LAIR2: variants seen among roughly 807,000 people sequenced by gnomAD.
LAIR2 encodes the protein leukocyte associated immunoglobulin like receptor 2, also known as leukocyte-associated immunoglobulin-like receptor 2.
In LAIR2, 14 loss-of-function variants were observed where a neutral mutation model predicts 14.8. The observed-to-expected ratio is 0.95, with a 90% CI of 0.62 to 1.48. The LOEUF (loss-of-function observed/expected upper bound fraction) is 1.48, where lower values mean the gene tolerates loss of function less well. Ranked by LOEUF, LAIR2 falls within the 40% of genes most tolerant of loss-of-function variation. LAIR2 has a pLI of 0.00. For missense variants in LAIR2, 172 were observed against 180.9 expected (o/e 0.95, Z 0.28); for synonymous variants, 75 against 74.5 (o/e 1.01, Z -0.03).
Position 54,502,896 on chromosome 19 carries a change from T to A in LAIR2, c.-23T>A. ...GCACATCCTGTCTGCTTGTGTCTGC[T>A]GCAGAGTTCTGGGACCGGGGCCATG... On this transcript the variant is annotated 5_prime_UTR_variant, in exon 1 of 5. Transcript: ENST00000301202. 6.2e-7 allele frequency: 1 copy of A among 1,614,114 alleles called. No individual in the cohort carries two copies.
intron 2 of LAIR2, among the ~76,000 whole-genome samples, chr19:54,504,038 A>G (rs1435076839): frequency 6.6e-6 from 1 of 151,824 alleles, no homozygotes; most frequent in Non-Finnish European, 1.5e-5. Flanking sequence ...GCTCACTGCA[A>G]CCTCTGCTCC....
intron 4 of LAIR2, among the ~76,000 whole-genome samples, chr19:54,509,701 G>A (rs913469281): frequency 8.0e-5 from 12 of 150,418 alleles, no homozygotes. Flanking sequence ...ACGGTGACCA[G>A]GATGAAGCCA....
chr19:54,507,295 G>A (rs1355038371), intron 2 of LAIR2, among the ~76,000 whole-genome samples: 1 of 150,476 alleles, frequency 6.6e-6, no homozygotes, highest in Admixed American at 6.6e-5. Flanking sequence ...CCCAGAGGTG[G>A]TGTCTCCACA....
intron 2 of LAIR2, among the ~76,000 whole-genome samples, chr19:54,504,744 G>C (rs1210881438): frequency 7.2e-5 from 11 of 152,022 alleles, no homozygotes; most frequent in Admixed American, 6.6e-4. Flanking sequence ...CGAGTAGCTG[G>C]GATTACAGGT....
At chr19:54,507,821 C>A (rs931446665) in intron 2 of LAIR2, 70 bp from the exon 3 acceptor site, 1 of 1,441,120 alleles carries the variant, frequency 6.9e-7, no homozygotes, top group Non-Finnish European at 9.5e-7. Context: ...AATTGTGATC[C>A]TAAAATGACG....
chr19:54,507,226 C>A (rs1301122160), intron 2 of LAIR2, among the ~76,000 whole-genome samples: 2 of 149,746 alleles, frequency 1.3e-5, no homozygotes, highest in East Asian at 3.9e-4. Flanking sequence ...TTTTCAAGAG[C>A]CTTAATAACA....
intron 3 of LAIR2, 62 bp downstream of exon 3, chr19:54,508,246 C>T: frequency 6.6e-7 from 1 of 1,521,062 alleles, no homozygotes; most frequent in Non-Finnish European, 8.9e-7. Context: ...GTCCCGAGGT[C>T]CCTGGTCCCT....
At chr19:54,506,159 T>G (rs1405640220) in intron 2 of LAIR2, among the ~76,000 whole-genome samples, 1 of 152,144 alleles carries the variant, frequency 6.6e-6, no homozygotes, top group Non-Finnish European at 1.5e-5. Context: ...AGTTTAAAAT[T>G]GACCGATGAA....
At chr19:54,506,722 G>C (rs2085370555) in intron 2 of LAIR2, among the ~76,000 whole-genome samples, 1 of 152,178 alleles carries the variant, frequency 6.6e-6, no homozygotes, top group Admixed American at 6.5e-5. Context: ...CTCATGAAAA[G>C]CGTCTTTAAA....
intron 3 of LAIR2, among the ~76,000 whole-genome samples, 166 bp downstream of exon 3, chr19:54,508,350 C>T (rs1451646689): frequency 2.0e-5 from 3 of 152,184 alleles, no homozygotes; most frequent in African/African-American, 7.2e-5. Flanking sequence ...CACCTCCCCT[C>T]TGCCCTCACA....
At position 54,510,675 on chromosome 19, in the gene LAIR2, A is replaced by G. The variant is rs1600101391; in HGVS notation, c.*106A>G. On this transcript the variant is annotated 3_prime_UTR_variant, in exon 5 of 5. Transcript: ENST00000301202. ...TATACATACATATACAAATAAAAAG[A>G]TACGATTCGCAATGGAGAATTTCAG... The G allele has an allele frequency of 7.4e-7, 1 of 1,347,016 alleles. No individual in the cohort carries two copies. Among genetic ancestry groups the G allele is most frequent in the Non-Finnish European group, 1.1e-6 (1 of 943,936 alleles). The allele number at this position is 1,347,016 out of a possible 1,614,324, so 83.4% of individuals were successfully genotyped here.
At position 54,502,845 on chromosome 19, in the gene LAIR2, C is replaced by T; in HGVS notation, c.-74C>T. The T allele has an allele frequency of 6.3e-7, 1 of 1,588,686 alleles. No individual in the cohort carries two copies. Among genetic ancestry groups the T allele is most frequent in the Non-Finnish European group, 8.6e-7 (1 of 1,156,916 alleles). On this transcript the variant is annotated 5_prime_UTR_variant, in exon 1 of 5. Coordinates refer to ENST00000301202, the MANE Select transcript of LAIR2 (RefSeq NM_002288.6). ...TTGTGTGAGGCAGTTGCTGTGGAAG[C>T]CCCACGGGCAGGAGGCCCCCGGCCA...
intron 1 of LAIR2, among the ~76,000 whole-genome samples, chr19:54,503,256 T>A (rs2085307065): frequency 6.6e-6 from 1 of 150,576 alleles, no homozygotes; most frequent in Admixed American, 6.6e-5. Context: ...AGGTCAGGAG[T>A]TTGAGACCAG....
At chr19:54,509,487 A>C (rs2085430672) in intron 4 of LAIR2, among the ~76,000 whole-genome samples, 1 of 96,148 alleles carries the variant, frequency 1.0e-5, no homozygotes, top group African/African-American at 4.3e-5. Context: ...CCCGAGCTCC[A>C]CGCTGCCCCC....
chr19:54,506,204 G>T (rs796121446), intron 2 of LAIR2, among the ~76,000 whole-genome samples: 1 of 152,120 alleles, frequency 6.6e-6, no homozygotes, highest in Non-Finnish European at 1.5e-5. Context: ...ATATGACGTT[G>T]TGGACTCTGC....
chr19:54,503,188 G>C (rs894531659), intron 1 of LAIR2, among the ~76,000 whole-genome samples: 2 of 152,096 alleles, frequency 1.3e-5, no homozygotes, highest in Admixed American at 6.5e-5. Context: ...GGGGCCAGGC[G>C]CGGTGCTCAC....
Position 54,507,914 on chromosome 19 carries a change from T to A in LAIR2, c.94T>A (p.Ser32Thr). Residue 32 changes from serine to threonine, a missense_variant, in exon 3 of 5, where the codon TCG becomes ACG. Around this residue, in one of 2 missense-constraint regions of LAIR2, gnomAD observed 161 missense variants for 149.0 expected, o/e 1.08. Transcript: ENST00000301202. ...QEGALPRPSI[S>T]AEPGTVISPG... ...AGGGGCCCTTCCCAGACCCTCCATC[T>A]CGGCTGAGCCAGGCACTGTGATCTC... 1 of 1,614,044 alleles carries A rather than the reference T, an allele frequency of 6.2e-7. No homozygotes were observed. Among genetic ancestry groups the A allele is most frequent in the Non-Finnish European group, 8.5e-7 (1 of 1,179,978 alleles).
intron 3 of LAIR2, among the ~76,000 whole-genome samples, chr19:54,508,713 T>A (rs2123402935): frequency 6.6e-6 from 1 of 152,378 alleles, no homozygotes; most frequent in East Asian, 1.9e-4. Flanking sequence ...CTCCTGTGTG[T>A]GCTCAGCCCG....
At chr19:54,506,282 G>T (rs1356944262) in intron 2 of LAIR2, among the ~76,000 whole-genome samples, 1 of 152,134 alleles carries the variant, frequency 6.6e-6, no homozygotes, top group African/African-American at 2.4e-5. Context: ...TCATTTTTTT[G>T]TGGTGAGAAC....
Sources: gnomAD v4.1 joint callset for allele counts (sites outside exome capture counted in the v4.1 genomes callset) on GRCh38, gnomAD v4.1.1 for gene constraint, gnomAD v4.1.1 regional missense constraint, MANE v1.5 for transcripts, NCBI Gene and HGNC (gene_info 2026-07-23, HGNC 2026-07-21) for gene names.